The following DUSP22 variants were observed in gnomAD, a reference collection of about 807,000 sequenced individuals.
DUSP22 encodes dual specificity phosphatase 22.
A neutral mutation model predicts 24.5 loss-of-function variants in DUSP22; 24 were observed. That is an observed-to-expected ratio of 0.98 (90% CI 0.71 to 1.38). DUSP22 has a LOEUF of 1.38. DUSP22 is among the 40% of genes most tolerant of loss of function. The probability of loss-of-function intolerance (pLI) is 0.00; values close to 1 mark genes in which losing one functional copy is unlikely to be tolerated. For synonymous variants in DUSP22, 160 were observed against 106.4 expected (o/e 1.50, Z -3.10); for missense variants, 330 against 269.2 (o/e 1.23, Z -1.58).
rs1302901094 is a variant in DUSP22 at position 350,437 on chromosome 6, C to T, written c.*1486C>T. On this transcript the variant is annotated 3_prime_UTR_variant, in exon 7 of 7. Coordinates refer to ENST00000419235, the MANE Select transcript of DUSP22 (RefSeq NM_001286555.3). ...ACCTCTCCCTAAAAAGATGTTGCAA[C>T]CCAGTTTCTCTGAATTCCACCACAA... 3 of 1,124,760 alleles carry T rather than the reference C, an allele frequency of 2.7e-6. No individual in the cohort carries two copies. Among genetic ancestry groups the T allele is most frequent in the South Asian group, 4.7e-5 (2 of 42,114 alleles). 69.7% of individuals were successfully genotyped at this position (1,124,760 alleles called of 1,614,324 possible).
intron 4 of DUSP22, among the ~76,000 whole-genome samples, chr6:341,810 T>G (rs1759621447): frequency 6.6e-6 from 1 of 152,284 alleles, no homozygotes; most frequent in Non-Finnish European, 1.5e-5. Flanking sequence ...TGGTGCAGAG[T>G]GGGGTCACCT....
At chr6:315,670 G>A (rs954615866) in intron 3 of DUSP22, among the ~76,000 whole-genome samples, 1 of 152,310 alleles carries the variant, frequency 6.6e-6, no homozygotes, top group African/African-American at 2.4e-5. Context: ...CTTTTAATTA[G>A]CAAGATTTTT....
intron 1 of DUSP22, among the ~76,000 whole-genome samples, chr6:294,536 A>G (rs992038182): frequency 1.3e-5 from 2 of 152,410 alleles, no homozygotes; most frequent in Admixed American, 1.3e-4. Flanking sequence ...TTATTTAACA[A>G]TATATTAAAA....
In DUSP22 at chr6:348,862, C is replaced by T. The variant is rs772626114; in HGVS notation, c.529C>T (p.Arg177Cys). 75 of 1,614,236 alleles carry T rather than the reference C, an allele frequency of 4.6e-5. No individual in the cohort carries two copies. In the Middle Eastern group the frequency reaches 6.6e-4, roughly 14 times the overall value. ...NILGKYKEQG[R>C]TEPQPGARRW... ...TCTGGGTAAATATAAGGAGCAAGGG[C>T]GCACAGAGCCCCAGCCCGGCGCCAG... Residue 177 changes from arginine (R) to cysteine (C), a missense_variant, in exon 7 of 7, where the codon CGC (arginine) becomes TGC (cysteine). By Grantham distance (180) the Arg-to-Cys change is radical. Transcript: ENST00000419235.
At chr6:306,332 C>T (rs893608727) in intron 2 of DUSP22, among the ~76,000 whole-genome samples, 7 of 152,302 alleles carry the variant, frequency 4.6e-5, no homozygotes, top group African/African-American at 1.7e-4. Flanking sequence ...GAGTTTTAGC[C>T]TTAATCATGA....
At chr6:332,985 G>A (rs572687834) in intron 3 of DUSP22, among the ~76,000 whole-genome samples, 1 of 152,420 alleles carries the variant, frequency 6.6e-6, no homozygotes, top group African/African-American at 2.4e-5. Flanking sequence ...GTGGCTGCAG[G>A]AGGTGATCAA....
chr6:309,418 G>A (rs781670135), intron 2 of DUSP22, among the ~76,000 whole-genome samples: 6 of 152,304 alleles, frequency 3.9e-5, no homozygotes, highest in Admixed American at 1.3e-4. Context: ...TTTGAAGCTC[G>A]AAAATTTGAA....
At chr6:294,227 A>G (rs1757221797) in intron 1 of DUSP22, among the ~76,000 whole-genome samples, 2 of 152,300 alleles carry the variant, frequency 1.3e-5, no homozygotes, top group Non-Finnish European at 2.9e-5. Context: ...GACTTTTATT[A>G]TCTTGTGAAT....
At chr6:338,137 G>A (rs1023560856) in intron 4 of DUSP22, 1 of 152,410 alleles carries the variant, frequency 6.6e-6, no homozygotes, top group Non-Finnish European at 1.5e-5. Flanking sequence ...TGATTTTTGG[G>A]GGAAACGTTT....
intron 3 of DUSP22, among the ~76,000 whole-genome samples, chr6:314,150 C>A (rs1364289087): frequency 6.6e-6 from 1 of 152,300 alleles, no homozygotes; most frequent in Admixed American, 6.5e-5. Context: ...GGAGACTGTG[C>A]GAGGTCAAGC....
intron 3 of DUSP22, among the ~76,000 whole-genome samples, chr6:319,711 AC>A (rs1435192413): frequency 6.6e-6 from 1 of 152,298 alleles, no homozygotes; most frequent in East Asian, 1.9e-4. Flanking sequence ...TCTTTTGAAA[AC>A]CAGTTGCTGT....
At chr6:308,504 C>T (rs529611738) in intron 2 of DUSP22, among the ~76,000 whole-genome samples, 66 of 152,388 alleles carry the variant, frequency 4.3e-4, no homozygotes, top group South Asian at 2.9e-3. Flanking sequence ...ACGGTGCTAG[C>T]GTGCGGTGAG....
chr6:331,773 CT>C (rs1266796211), intron 3 of DUSP22, among the ~76,000 whole-genome samples: 1 of 152,304 alleles, frequency 6.6e-6, no homozygotes, highest in Non-Finnish European at 1.5e-5. Context: ...ACTTTTCATG[CT>C]TTGTTAATAA....
intron 3 of DUSP22, among the ~76,000 whole-genome samples, chr6:334,823 A>C (rs1759290339): frequency 6.6e-6 from 1 of 152,302 alleles, no homozygotes; most frequent in Non-Finnish European, 1.5e-5. Context: ...AAGTAGTTGA[A>C]ACTTACTGAA....
chr6:311,915 G>C lies in DUSP22; in HGVS notation c.91G>C (p.Val31Leu). The change falls in exon 3 of 7, where the codon GTG becomes CTG. Residue 31 changes from valine to leucine, a missense_variant. Coordinates refer to ENST00000419235, the MANE Select transcript of DUSP22 (RefSeq NM_001286555.3). ...CGCGGAACAATTGAGCAAGAACAAG[G>C]TGACACATATTCTGTCTGTCCACGA... ...RDAEQLSKNK[V>L]THILSVHDSA... 6.2e-7 allele frequency: 1 copy of C among 1,612,878 alleles called. No homozygotes were observed. The highest frequency in any genetic ancestry group is 8.5e-7 in the Non-Finnish European group (1 of 1,179,238).
At chr6:327,574 C>T (rs1758938578) in intron 3 of DUSP22, among the ~76,000 whole-genome samples, 1 of 152,306 alleles carries the variant, frequency 6.6e-6, no homozygotes, top group Non-Finnish European at 1.5e-5. Flanking sequence ...AATCTGGGGT[C>T]TAGTGAGAGA....
At position 292,493 on chromosome 6, in the gene DUSP22, C is replaced by T. The variant is rs1169923035; in HGVS notation, c.-47C>T. ...CTCCTCCCTGTAACATGCCATAGTG[C>T]GCCTGCGACCACACGGCCGGGGCGC... is the stretch of plus-strand genomic sequence containing the variant. On this transcript the variant is annotated 5_prime_UTR_variant, in exon 1 of 7. Transcript: ENST00000419235. 1.9e-6 allele frequency: 3 copies of T among 1,599,398 alleles called. No individual in the cohort carries two copies. The highest frequency in any genetic ancestry group is 1.3e-5 in the African/African-American group (1 of 74,238).
chr6:326,767 G>A (rs1466136663), intron 3 of DUSP22, among the ~76,000 whole-genome samples: 2 of 152,424 alleles, frequency 1.3e-5, no homozygotes, highest in Non-Finnish European at 2.9e-5. Flanking sequence ...CTGTGTTCAA[G>A]GGAAATCCTT....
At chr6:327,938 G>C (rs1280710666) in intron 3 of DUSP22, among the ~76,000 whole-genome samples, 1 of 152,304 alleles carries the variant, frequency 6.6e-6, no homozygotes, top group Non-Finnish European at 1.5e-5. Context: ...GGGGGTTGTG[G>C]ACAGATGCTG....
Sources: allele counts gnomAD v4.1 joint callset (sites outside exome capture counted in the v4.1 genomes callset), GRCh38; gene constraint gnomAD v4.1.1; transcripts MANE v1.5; gene names NCBI Gene and HGNC (gene_info 2026-07-23, HGNC 2026-07-21).